Variants in LRP1B observed in about 807,000 individuals in gnomAD.
LRP1B encodes LDL receptor related protein 1B, also known as low-density lipoprotein receptor-related protein 1B.
A neutral mutation model predicts 556.6 loss-of-function variants in LRP1B; 217 were observed. The ratio of observed to expected loss-of-function variants is 0.39; its 90% CI spans 0.35 to 0.44. The LOEUF (loss-of-function observed/expected upper bound fraction) is 0.44, where lower values mean the gene tolerates loss of function less well. Among genes scored for constraint, LRP1B ranks in the 20% least tolerant of loss-of-function variants. The pLI is 1.00. For missense variants in LRP1B, 5,053 were observed against 5,620.8 expected (o/e 0.90, Z 3.23); for synonymous variants, 2,047 against 1,865.8 (o/e 1.10, Z -2.50).
chr2:141,682,991 C>T (rs1158913357), intron 2 of LRP1B, among the ~76,000 whole-genome samples: 1 of 152,106 alleles, frequency 6.6e-6, no homozygotes, highest in South Asian at 2.1e-4. Flanking sequence ...TCTTTGCATC[C>T]TGCATGTGTG....
At position 140,354,372 on chromosome 2, in the gene LRP1B, T is replaced by C. The variant is rs149413410; in HGVS notation, c.11531-1300A>G. Among the ~76,000 whole-genome samples the C allele has an allele frequency of 1.5e-3, 233 of 152,252 alleles. 1 individual carries two copies. Among genetic ancestry groups the C allele is most frequent in the East Asian group, 0.013 (67 of 5,158 alleles). Reference sequence around the variant, plus strand: ...TTTTGTTGACTTTACTGTGATACTTTGCCTAAGAACACATAAGCATTTTCA... The same window carrying C: ...TTTTGTTGACTTTACTGTGATACTTCGCCTAAGAACACATAAGCATTTTCA... On this transcript the variant is annotated intron_variant, in intron 75 of 90. Coordinates refer to ENST00000389484, the MANE Select transcript of LRP1B (RefSeq NM_018557.3).
intron 1 of LRP1B, among the ~76,000 whole-genome samples, chr2:142,027,195 T>C (rs1409397148): frequency 6.6e-6 from 1 of 151,986 alleles, no homozygotes; most frequent in African/African-American, 2.4e-5. Context: ...ATTCATCCAT[T>C]GCTGATGCAT....
intron 2 of LRP1B, among the ~76,000 whole-genome samples, chr2:141,709,571 T>C (rs771642933): frequency 6.6e-6 from 1 of 152,082 alleles, no homozygotes; most frequent in Non-Finnish European, 1.5e-5. Flanking sequence ...GTTTGCTGTT[T>C]ATTGAAATGT....
chr2:141,596,190 T>C (rs930627095), intron 2 of LRP1B, among the ~76,000 whole-genome samples: 1 of 151,992 alleles, frequency 6.6e-6, no homozygotes, highest in Non-Finnish European at 1.5e-5. Flanking sequence ...CATCTTTGAC[T>C]CAATTTTGCC....
At chr2:142,104,108 C>T (rs546993815) in intron 1 of LRP1B, among the ~76,000 whole-genome samples, 11 of 152,094 alleles carry the variant, frequency 7.2e-5, no homozygotes, top group African/African-American at 2.2e-4. Flanking sequence ...TATTTATGAA[C>T]GTAGAAAAAA....
At chr2:141,221,261 T>G (rs1329501031) in intron 6 of LRP1B, among the ~76,000 whole-genome samples, 11 of 144,538 alleles carry the variant, frequency 7.6e-5, no homozygotes, top group Non-Finnish European at 1.3e-4. Flanking sequence ...TCCTAGTTTC[T>G]GACAAAGCAG....
At chr2:141,741,082 G>T (rs1693681979) in intron 2 of LRP1B, among the ~76,000 whole-genome samples, 1 of 151,954 alleles carries the variant, frequency 6.6e-6, no homozygotes, top group African/African-American at 2.4e-5. Flanking sequence ...CATCCATGCT[G>T]CAAATGACAG....
Position 140,382,099 on chromosome 2 carries a change from A to G in LRP1B, c.10531+3794T>C, listed in dbSNP as rs59834968. On this transcript the variant is annotated intron_variant, in intron 67 of 90. Transcript: ENST00000389484. ...AAGACTTTTGGACTTCAGTTTCTCT[A>G]CTATCTTAAAAACTCTTAGTGATAA... 0.01 allele frequency among the ~76,000 whole-genome samples: 1,584 copies of G among 152,240 alleles called. 64 individuals are homozygous for G. The East Asian group carries it at 0.14, about 14-fold the overall frequency.
intron 6 of LRP1B, among the ~76,000 whole-genome samples, chr2:141,224,059 T>G (rs1332441542): frequency 6.6e-6 from 1 of 152,126 alleles, no homozygotes; most frequent in African/African-American, 2.4e-5. Context: ...AAAGAGCTTC[T>G]GCACAGTAAA....
chr2:141,144,907 C>G (rs905751064), intron 7 of LRP1B, among the ~76,000 whole-genome samples: 2 of 152,166 alleles, frequency 1.3e-5, no homozygotes, highest in Admixed American at 1.3e-4. Flanking sequence ...TAACTAACTA[C>G]AGACTAAATG....
intron 14 of LRP1B, among the ~76,000 whole-genome samples, chr2:141,009,339 A>G (rs1368931288): frequency 2.0e-5 from 3 of 151,978 alleles, no homozygotes; most frequent in Admixed American, 6.6e-5. Context: ...GCATAATTTC[A>G]GAAGAATTGA....
chr2:141,916,671 C>T (rs12151532), intron 1 of LRP1B, among the ~76,000 whole-genome samples: 10,887 of 151,772 alleles, frequency 0.072, 567 homozygotes, highest in Non-Finnish European at 0.11. Context: ...CGTGAGCCAC[C>T]GCGCCCGGCC....
chr2:141,241,952 A>C (rs1038747991), intron 5 of LRP1B, among the ~76,000 whole-genome samples: 2 of 151,908 alleles, frequency 1.3e-5, no homozygotes, highest in African/African-American at 2.4e-5. Context: ...AAAAAAAAAA[A>C]CCCTAAATGG....
intron 23 of LRP1B, among the ~76,000 whole-genome samples, chr2:140,899,309 C>T (rs1389543529): frequency 6.6e-6 from 1 of 152,068 alleles, no homozygotes; most frequent in Non-Finnish European, 1.5e-5. Context: ...AGAAAGGAAA[C>T]CAGGAGACAG....
chr2:140,316,843 C>T (rs906072590), intron 82 of LRP1B, among the ~76,000 whole-genome samples: 3 of 152,074 alleles, frequency 2.0e-5, no homozygotes, highest in Non-Finnish European at 4.4e-5. Flanking sequence ...GACTTCAGCC[C>T]TTATCGACTG....
chr2:141,810,126 AAAG>A (rs1191553422), intron 2 of LRP1B, among the ~76,000 whole-genome samples, 150 bp downstream of exon 2: 5 of 109,486 alleles, frequency 4.6e-5, no homozygotes, highest in African/African-American at 1.9e-4. Context: ...AGAAAGAAAG[AAAG>A]AAAGAAAGAA....
At chr2:140,252,629 G>T (rs1408131383) in intron 86 of LRP1B, among the ~76,000 whole-genome samples, 1 of 151,948 alleles carries the variant, frequency 6.6e-6, no homozygotes, top group Non-Finnish European at 1.5e-5. Context: ...AGAGTACCAG[G>T]CTCTAATTTA....
chr2:141,800,672 A>T (rs1413111510), intron 2 of LRP1B, among the ~76,000 whole-genome samples: 3 of 152,196 alleles, frequency 2.0e-5, no homozygotes, highest in African/African-American at 7.2e-5. Context: ...CATTCATGTC[A>T]GTAATCATCA....
At chr2:141,243,324 A>C (rs994707587) in intron 5 of LRP1B, among the ~76,000 whole-genome samples, 3 of 151,934 alleles carry the variant, frequency 2.0e-5, no homozygotes, top group African/African-American at 7.3e-5. Flanking sequence ...GTGTACAAAA[A>C]ATTTTTAAAT....
Sources: allele counts gnomAD v4.1 joint callset (sites outside exome capture counted in the v4.1 genomes callset), GRCh38; gene constraint gnomAD v4.1.1; transcripts MANE v1.5; gene names NCBI Gene and HGNC (gene_info 2026-07-23, HGNC 2026-07-21).